The following BLTP1 variants were observed in gnomAD, a reference collection of about 807,000 sequenced individuals.
BLTP1 encodes fragile site-associated protein.
chr4:122,233,824 T>A, the BLTP1 span, among the ~76,000 whole-genome samples: 1 of 152,342 alleles, frequency 6.6e-6, no homozygotes, highest in African/African-American at 2.4e-5. Context: ...ATTTTCTTGT[T>A]TATTGTTTGT....
At chr4:122,307,138 T>C in the BLTP1 span, among the ~76,000 whole-genome samples, 1 of 152,128 alleles carries the variant, frequency 6.6e-6, no homozygotes, top group African/African-American at 2.4e-5. Flanking sequence ...GTATACATAA[T>C]GAGATATCTT....
the BLTP1 span, chr4:122,263,286 G>T: frequency 1.2e-5 from 12 of 981,730 alleles, no homozygotes; most frequent in Middle Eastern, 1.0e-3. Flanking sequence ...ATTTATTAAT[G>T]CATTAATATC....
the BLTP1 span, chr4:122,247,023 G>A: frequency 1.5e-6 from 2 of 1,309,322 alleles, no homozygotes; most frequent in East Asian, 2.5e-5. Context: ...AGTAAACATT[G>A]AATAATTTTT....
At chr4:122,245,189 G>A in the BLTP1 span, 1 of 1,493,024 alleles carries the variant, frequency 6.7e-7, no homozygotes, top group South Asian at 1.2e-5. Flanking sequence ...TATTTATCAT[G>A]GTTACAGAAT....
chr4:122,356,848 G>A, the BLTP1 span: 5 of 1,500,970 alleles, frequency 3.3e-6, no homozygotes, highest in South Asian at 1.3e-5. Context: ...GAAAATGAGT[G>A]GAATATATCT....
At chr4:122,216,230 A>G in the BLTP1 span, among the ~76,000 whole-genome samples, 1 of 152,064 alleles carries the variant, frequency 6.6e-6, no homozygotes, top group Non-Finnish European at 1.5e-5. Flanking sequence ...TTCTATGAAC[A>G]TGTGTGTGCA....
chr4:122,285,939 T>C, the BLTP1 span, among the ~76,000 whole-genome samples: 1 of 152,232 alleles, frequency 6.6e-6, no homozygotes, highest in Admixed American at 6.5e-5. Context: ...GCTAGATTAT[T>C]GATTTAAGTG....
At chr4:122,190,334 G>GATCC in the BLTP1 span, 9 of 723,950 alleles carry the variant, frequency 1.2e-5, no homozygotes, top group Non-Finnish European at 1.5e-5. Context: ...GGCCTTAAGT[G>GATCC]ATCCTCCTGC....
the BLTP1 span, among the ~76,000 whole-genome samples, chr4:122,193,125 A>G: frequency 7.9e-5 from 12 of 152,168 alleles, no homozygotes; most frequent in African/African-American, 2.2e-4. Context: ...TTAGGACAGC[A>G]TACACTAATG....
chr4:122,155,923 A>C, the BLTP1 span: 1 of 691,354 alleles, frequency 1.4e-6, no homozygotes, highest in Non-Finnish European at 1.8e-6. Context: ...GATAGGATTT[A>C]GTGGGCTTGA....
At chr4:122,183,043 A>G in the BLTP1 span, 1 of 984,360 alleles carries the variant, frequency 1.0e-6, no homozygotes, top group African/African-American at 1.7e-5. Flanking sequence ...TCTCAAAAAG[A>G]AAAAAAGCTG....
chr4:122,269,547 C>T, the BLTP1 span: 1 of 985,108 alleles, frequency 1.0e-6, no homozygotes. Flanking sequence ...CCTGTAATTC[C>T]ATCTTAAGCT....
At chr4:122,189,881 A>G in the BLTP1 span, 1 of 1,416,702 alleles carries the variant, frequency 7.1e-7, no homozygotes. Context: ...GCTACTTGTT[A>G]TGTGCTTGTT....
chr4:122,247,278 A>G, the BLTP1 span: 2 of 1,613,530 alleles, frequency 1.2e-6, no homozygotes, highest in Middle Eastern at 1.7e-4. Context: ...CAAATGCTGG[A>G]GCAGAAAAAG....
chr4:122,271,242 G>A, the BLTP1 span: 2 of 1,613,846 alleles, frequency 1.2e-6, no homozygotes, highest in Non-Finnish European at 1.7e-6. Context: ...GCTTTGGTTC[G>A]TCTTATTCAT....
the BLTP1 span, chr4:122,174,940 A>G: frequency 3.5e-6 from 2 of 575,208 alleles, no homozygotes; most frequent in Non-Finnish European, 4.4e-6. Flanking sequence ...CACAGAGTTC[A>G]TAGTAGTCAT....
chr4:122,342,569 T>C, the BLTP1 span, among the ~76,000 whole-genome samples: 1 of 152,136 alleles, frequency 6.6e-6, no homozygotes, highest in Non-Finnish European at 1.5e-5. Flanking sequence ...TTGGTCAGGC[T>C]GGTCTCAAAC....
the BLTP1 span, chr4:122,208,518 A>G: frequency 1.1e-6 from 1 of 947,492 alleles, no homozygotes; most frequent in Non-Finnish European, 1.3e-6. Context: ...AAATGAGACA[A>G]TACTATCTGA....
the BLTP1 span, among the ~76,000 whole-genome samples, chr4:122,178,739 G>GCAGC: frequency 6.6e-6 from 1 of 151,790 alleles, no homozygotes; most frequent in South Asian, 2.1e-4. Flanking sequence ...TTTCACCTCT[G>GCAGC]CAGCCAGAAT....
Sources: allele counts gnomAD v4.1 joint callset (sites outside exome capture counted in the v4.1 genomes callset), GRCh38; gene constraint gnomAD v4.1.1; transcripts MANE v1.5; gene names NCBI Gene and HGNC (gene_info 2026-07-23, HGNC 2026-07-21).